The following NOL9 variants were observed in gnomAD, a reference collection of about 807,000 sequenced individuals.
The protein encoded by NOL9 is polynucleotide 5'-hydroxyl-kinase NOL9.
NOL9 carries 28 observed loss-of-function variants against 67.9 expected under a neutral mutation model. That is an observed-to-expected ratio of 0.41 (90% CI 0.31 to 0.57). The LOEUF (loss-of-function observed/expected upper bound fraction) is 0.57, where lower values mean the gene tolerates loss of function less well. Ranked by LOEUF, NOL9 falls within the 20% of genes least tolerant of loss-of-function variation. The pLI is 0.25. For synonymous variants in NOL9, 356 were observed against 352.2 expected, an observed-to-expected ratio of 1.01 and a Z score of -0.12; for missense variants, 777 against 897.0, an observed-to-expected ratio of 0.87 and a Z score of 1.71.
chr1:6,531,491 G>C (rs573643685), intron 9 of NOL9, among the ~76,000 whole-genome samples: 1 of 152,250 alleles, frequency 6.6e-6, no homozygotes, highest in South Asian at 2.1e-4. Context: ...GGGATTACAG[G>C]TGTGAGCCAC....
intron 9 of NOL9, 140 bp downstream of exon 9, chr1:6,531,828 G>A (rs926116298): frequency 7.2e-6 from 5 of 694,414 alleles, no homozygotes; most frequent in Non-Finnish European, 1.3e-5. Flanking sequence ...TGGGAATAAC[G>A]ACACAAGCTG....
intron 3 of NOL9, among the ~76,000 whole-genome samples, chr1:6,546,770 A>G (rs1348489386): frequency 4.6e-5 from 7 of 152,104 alleles, no homozygotes. Flanking sequence ...CATCTTAACA[A>G]AATTACAAAA....
chr1:6,544,947 G>C (rs765975954), intron 4 of NOL9, 25 bp from the exon 5 acceptor site: 1 of 1,614,054 alleles, frequency 6.2e-7, no homozygotes, highest in African/African-American at 1.3e-5. Context: ...AACATTGATC[G>C]CTAGAATTAG....
intron 7 of NOL9, 102 bp downstream of exon 7, chr1:6,533,178 T>A (rs1639072792): frequency 7.7e-7 from 1 of 1,299,774 alleles, no homozygotes; most frequent in Non-Finnish European, 1.0e-6. Flanking sequence ...CTGCCTCAAT[T>A]AAAAACAAAA....
intron 5 of NOL9, among the ~76,000 whole-genome samples, chr1:6,543,001 C>T (rs1166795691): frequency 1.3e-5 from 2 of 152,046 alleles, no homozygotes; most frequent in South Asian, 2.1e-4. Context: ...TCAAGCAATA[C>T]TCCCTCCTTA....
At chr1:6,532,141 C>G in intron 8 of NOL9, 62 bp from the exon 9 acceptor site, 3 of 1,246,090 alleles carry the variant, frequency 2.4e-6, no homozygotes, top group South Asian at 1.2e-5. Context: ...CCTCCCACAC[C>G]TGTCATCACA....
At position 6,532,416 on chromosome 1, in the gene NOL9, T is replaced by C. The variant is rs781110146; in HGVS notation, c.1535+47A>G. 3 of 1,555,076 alleles carry C rather than the reference T, an allele frequency of 1.9e-6. No homozygotes were observed. In the East Asian group the frequency reaches 6.7e-5, roughly 35 times the overall value. ...GAGGAATTGAGAATGGCAGGTCTTTTTCGACGGAAGGAAAAATAATTCTTC... is the reference window on the plus strand; with the variant it reads ...GAGGAATTGAGAATGGCAGGTCTTTCTCGACGGAAGGAAAAATAATTCTTC... On this transcript the variant is annotated intron_variant, in intron 8 of 11. Transcript: ENST00000377705.
At chr1:6,537,682 A>G (rs1446988248) in intron 6 of NOL9, among the ~76,000 whole-genome samples, 1 of 152,214 alleles carries the variant, frequency 6.6e-6, no homozygotes, top group Admixed American at 6.6e-5. Context: ...AAGCCCATAC[A>G]TATAAGATCA....
chr1:6,548,572 C>A, intron 3 of NOL9: 1 of 370,352 alleles, frequency 2.7e-6, no homozygotes, highest in Non-Finnish European at 5.3e-6. Context: ...AGGAGGAGAA[C>A]ATCATTGTAA....
At chr1:6,543,069 T>A (rs1023522868) in intron 5 of NOL9, among the ~76,000 whole-genome samples, 1 of 151,800 alleles carries the variant, frequency 6.6e-6, no homozygotes, top group African/African-American at 2.4e-5. Context: ...AATTTCTAAA[T>A]TTTTTGTAGA....
chr1:6,549,662 T>C lies in NOL9; in HGVS notation c.653A>G (p.Gln218Arg), dbSNP rs752859009. 30 of 1,613,998 alleles carry C rather than the reference T, an allele frequency of 1.9e-5. No homozygotes were observed. The East Asian group carries it at 5.8e-4, about 31-fold the overall frequency. Residue 218 changes from glutamine to arginine, a missense_variant, in exon 3 of 12, where the codon CAG becomes CGG. Around this residue, in one of 2 missense-constraint regions of NOL9, gnomAD observed 364 missense variants for 344.4 expected, o/e 1.06. Coordinates refer to ENST00000377705, the MANE Select transcript of NOL9 (RefSeq NM_024654.5). ...ATGTTCTAGCAACACAATGGAACAC[T>C]GAGGAGAAAAATTCTGCATCGACCA... ...RRWSMQNFSP[Q>R]CSIVLLEHLK... is the part of the protein sequence containing the mutation.
At chr1:6,551,949 G>A (rs1318478993) in intron 1 of NOL9, among the ~76,000 whole-genome samples, 2 of 152,018 alleles carry the variant, frequency 1.3e-5, no homozygotes, top group Non-Finnish European at 2.9e-5. Context: ...GCAGGAGAAT[G>A]GCGTGAACCC....
chr1:6,531,953 G>C lies in NOL9; in HGVS notation c.1647+15C>G. On this transcript the variant is annotated intron_variant, in intron 9 of 11. Coordinates refer to ENST00000377705, the MANE Select transcript of NOL9 (RefSeq NM_024654.5). ...TAACAAAATGAAGACAATTTCTCCT[G>C]TAAGTTCAGATTACCTGATAGGGTG... 1 of 1,596,758 alleles carries C rather than the reference G, an allele frequency of 6.3e-7. No individual in the cohort carries two copies. The highest frequency in any genetic ancestry group is 8.6e-7 in the Non-Finnish European group (1 of 1,164,264).
chr1:6,554,080 G>A (rs976315638), intron 1 of NOL9, 27 bp downstream of exon 1: 1 of 1,507,050 alleles, frequency 6.6e-7, no homozygotes, highest in East Asian at 2.8e-5. Flanking sequence ...CTGCCCTCGG[G>A]GACTACTACC....
intron 6 of NOL9, among the ~76,000 whole-genome samples, chr1:6,535,484 A>G (rs959019238): frequency 6.6e-6 from 1 of 152,188 alleles, no homozygotes; most frequent in African/African-American, 2.4e-5. Flanking sequence ...TGCAGTCAGG[A>G]CCTAGGACGT....
intron 6 of NOL9, among the ~76,000 whole-genome samples, chr1:6,534,377 G>A (rs1184140655): frequency 6.6e-6 from 1 of 152,212 alleles, no homozygotes; most frequent in African/African-American, 2.4e-5. Context: ...CCAGGGACAG[G>A]GAGCTGAGCA....
intron 1 of NOL9, 102 bp from the exon 2 acceptor site, chr1:6,550,717 C>G (rs1368528473): frequency 3.5e-6 from 3 of 850,952 alleles, no homozygotes; most frequent in Non-Finnish European, 5.2e-6. Context: ...GAGTTTTGCT[C>G]TTGTTGCCCA....
At position 6,524,379 on chromosome 1, in the gene NOL9, C is replaced by T. The variant is rs887899626; in HGVS notation, c.*1475G>A. ...TTTGAACCTCAGCCCCAGGAAGTATCCTGCTGTCTTAAATGCAGAAATGAT... is the reference window on the plus strand; with the variant it reads ...TTTGAACCTCAGCCCCAGGAAGTATTCTGCTGTCTTAAATGCAGAAATGAT... On this transcript the variant is annotated 3_prime_UTR_variant, in exon 12 of 12. Coordinates refer to ENST00000377705, the MANE Select transcript of NOL9 (RefSeq NM_024654.5). 1 of 152,192 alleles carries T rather than the reference C, an allele frequency of 6.6e-6. No individual in the cohort carries two copies. Among genetic ancestry groups the T allele is most frequent in the Non-Finnish European group, 1.5e-5 (1 of 68,046 alleles). The allele number at this position is 152,192 out of a possible 1,614,324, so 9.4% of individuals were successfully genotyped here. A position where few individuals can be genotyped will look rare whatever the true frequency, so the allele number is the denominator to read the frequency against.
At chr1:6,532,282 T>C (rs768797159) in intron 8 of NOL9, 181 bp downstream of exon 8, 39 of 725,646 alleles carry the variant, frequency 5.4e-5, no homozygotes, top group Non-Finnish European at 8.1e-5. Context: ...TAGGGGACAC[T>C]TCTGGATATT....
Sources: gnomAD v4.1 joint callset for allele counts (sites outside exome capture counted in the v4.1 genomes callset) on GRCh38, gnomAD v4.1.1 for gene constraint, gnomAD v4.1.1 regional missense constraint, MANE v1.5 for transcripts, NCBI Gene and HGNC (gene_info 2026-07-23, HGNC 2026-07-21) for gene names.